Variants in RAB28 observed in about 807,000 individuals in gnomAD.
RAB28 encodes ras-related protein Rab-28.
A neutral mutation model predicts 31.7 loss-of-function variants in RAB28; 24 were observed. That is an observed-to-expected ratio of 0.76 (90% CI 0.55 to 1.06). The LOEUF (loss-of-function observed/expected upper bound fraction) is 1.06, where lower values mean the gene tolerates loss of function less well. Ranked by LOEUF, RAB28 falls within the 50% of genes least tolerant of loss-of-function variation. The pLI, the probability that RAB28 is intolerant of heterozygous loss-of-function variation, is 0.00. For synonymous variants in RAB28, 100 were observed against 90.4 expected, an observed-to-expected ratio of 1.11 and a Z score of -0.60; for missense variants, 254 against 258.5, an observed-to-expected ratio of 0.98 and a Z score of 0.12.
chr4:13,382,529 T>C (rs1729174079), intron 4 of RAB28, among the ~76,000 whole-genome samples: 1 of 151,926 alleles, frequency 6.6e-6, no homozygotes, highest in Non-Finnish European at 1.5e-5. Flanking sequence ...TGCCAATTGA[T>C]TATCAACTAA....
At chr4:13,469,848 C>T (rs752309840) in intron 3 of RAB28, among the ~76,000 whole-genome samples, 3 of 151,882 alleles carry the variant, frequency 2.0e-5, no homozygotes, top group Non-Finnish European at 4.4e-5. Context: ...ACCACAGTGC[C>T]CAGCTAATTT....
At position 13,368,104 on chromosome 4, in the gene RAB28, C is replaced by A; in HGVS notation, c.*454G>T. The stretch of plus-strand genomic sequence containing the variant: ...AGCGAAAGAATGTCTTCATAAGTAT[C>A]TGTAGGTAAAATATATTACTTGCTT... On this transcript the variant is annotated 3_prime_UTR_variant, in exon 7 of 7. Coordinates refer to ENST00000330852, the MANE Select transcript of RAB28 (RefSeq NM_001017979.3). 25 of 982,102 alleles carry A rather than the reference C, an allele frequency of 2.5e-5. No homozygotes were observed. Among genetic ancestry groups the A allele is most frequent in the Non-Finnish European group, 2.9e-5 (24 of 826,922 alleles). 60.8% of individuals were successfully genotyped at this position (982,102 alleles called of 1,614,324 possible).
intron 3 of RAB28, among the ~76,000 whole-genome samples, chr4:13,465,485 CA>C: frequency 6.7e-6 from 1 of 149,150 alleles, no homozygotes; most frequent in Non-Finnish European, 1.5e-5. Flanking sequence ...AAGAAGAGAA[CA>C]AAGTGAAATT....
intron 4 of RAB28, among the ~76,000 whole-genome samples, chr4:13,430,826 T>C (rs1261458476): frequency 6.6e-6 from 1 of 152,086 alleles, no homozygotes; most frequent in Non-Finnish European, 1.5e-5. Context: ...ACCCTAAGCC[T>C]GTGCCACCCC....
intron 4 of RAB28, among the ~76,000 whole-genome samples, chr4:13,441,473 AT>A (rs1714412276): frequency 6.6e-6 from 1 of 152,214 alleles, no homozygotes; most frequent in African/African-American, 2.4e-5. Context: ...GATAATGACA[AT>A]ATATTTTCAA....
chr4:13,427,706 G>A (rs1323357641), intron 4 of RAB28, among the ~76,000 whole-genome samples: 1 of 152,154 alleles, frequency 6.6e-6, no homozygotes, highest in African/African-American at 2.4e-5. Context: ...CCAGGAAGCT[G>A]CAATCAGAAA....
chr4:13,459,162 AC>A (rs34868075), intron 4 of RAB28, among the ~76,000 whole-genome samples: 3,305 of 152,304 alleles, frequency 0.022, 46 homozygotes, highest in African/African-American at 0.038. Flanking sequence ...TGTTGGACTT[AC>A]ACTGGTGGTT....
At position 13,368,268 on chromosome 4, in the gene RAB28, A is replaced by G. The variant is rs946967769; in HGVS notation, c.*290T>C. 9.5e-7 allele frequency: 1 copy of G among 1,051,900 alleles called. No individual in the cohort carries two copies. Among genetic ancestry groups the G allele is most frequent in the Non-Finnish European group, 1.1e-6 (1 of 873,818 alleles). The allele number at this position is 1,051,900 out of a possible 1,614,324, so 65.2% of individuals were successfully genotyped here. A position where few individuals can be genotyped will look rare whatever the true frequency, so the allele number is the denominator to read the frequency against. On this transcript the variant is annotated 3_prime_UTR_variant, in exon 7 of 7. Coordinates refer to ENST00000330852, the MANE Select transcript of RAB28 (RefSeq NM_001017979.3). ...TAAAAAAATTTACATCAATGAAAAA[A>G]GAAGCAAGGACATACAAAGAAACAA...
Position 13,368,590 on chromosome 4 carries a change from G to T in RAB28, c.634C>A (p.Pro212Thr), listed in dbSNP as rs963393827. The T allele has an allele frequency of 1.2e-6, 2 of 1,612,256 alleles. No individual in the cohort carries two copies. The highest frequency in any genetic ancestry group is 1.3e-5 in the African/African-American group (1 of 74,698). The change falls in exon 7 of 7, where the codon CCT (proline) becomes ACT (threonine). Residue 212 changes from proline to threonine, a missense_variant. By Grantham distance (38) the Pro-to-Thr change is conservative (BLOSUM62 -1). Coordinates refer to ENST00000330852, the MANE Select transcript of RAB28 (RefSeq NM_001017979.3). ...NQEPMSRTVNPPRSSMCAVQ is the reference protein window; with the variant it reads ...NQEPMSRTVNTPRSSMCAVQ ...ACTGCACACATAGAGCTTCTAGGAG[G>T]GTTAACAGTCCTTGACATAGGTTCC...
At chr4:13,390,472 T>C (rs1323389978) in intron 4 of RAB28, among the ~76,000 whole-genome samples, 1 of 151,842 alleles carries the variant, frequency 6.6e-6, no homozygotes, top group Non-Finnish European at 1.5e-5. Context: ...ATCAATATCA[T>C]GAAAAACGGC....
intron 6 of RAB28, among the ~76,000 whole-genome samples, chr4:13,374,007 C>T (rs1295027534): frequency 1.3e-5 from 2 of 151,788 alleles, no homozygotes; most frequent in African/African-American, 4.8e-5. Flanking sequence ...ATAATCTGCA[C>T]TTCTTAGTCT....
At chr4:13,373,212 G>A (rs901538388) in intron 6 of RAB28, among the ~76,000 whole-genome samples, 8 of 152,046 alleles carry the variant, frequency 5.3e-5, no homozygotes, top group Non-Finnish European at 1.0e-4. Context: ...CCGATTGCTG[G>A]ATTTCCTAAA....
intron 3 of RAB28, among the ~76,000 whole-genome samples, chr4:13,465,746 C>T (rs1715809688): frequency 2.0e-5 from 3 of 146,574 alleles, no homozygotes; most frequent in African/African-American, 5.1e-5. Context: ...ATAACCAAGG[C>T]AATCATGAAC....
intron 4 of RAB28, among the ~76,000 whole-genome samples, chr4:13,410,041 T>C (rs1412868091): frequency 6.6e-6 from 1 of 152,014 alleles, no homozygotes; most frequent in Admixed American, 6.6e-5. Flanking sequence ...TAAAAGTGTG[T>C]AGCACCTCCC....
intron 4 of RAB28, among the ~76,000 whole-genome samples, chr4:13,449,341 G>C (rs1420573351): frequency 6.6e-6 from 1 of 151,790 alleles, no homozygotes; most frequent in African/African-American, 2.4e-5. Context: ...AATTCCAATG[G>C]TTTTCAAACT....
chr4:13,410,176 C>A (rs866910749), intron 4 of RAB28, among the ~76,000 whole-genome samples: 3 of 152,144 alleles, frequency 2.0e-5, no homozygotes, highest in Non-Finnish European at 4.4e-5. Context: ...GTCTATTAAA[C>A]CTCTTTTCTT....
chr4:13,441,159 A>G (rs1714392986), intron 4 of RAB28, among the ~76,000 whole-genome samples: 1 of 152,182 alleles, frequency 6.6e-6, no homozygotes, highest in Admixed American at 6.5e-5. Context: ...TGTACTCACA[A>G]AGGAAAGTTA....
intron 2 of RAB28, among the ~76,000 whole-genome samples, chr4:13,474,793 C>A (rs1000929106): frequency 3.3e-5 from 5 of 151,570 alleles, no homozygotes; most frequent in Non-Finnish European, 7.4e-5. Flanking sequence ...ACTCAACCAT[C>A]CAATCATACA....
intron 4 of RAB28, among the ~76,000 whole-genome samples, chr4:13,424,424 G>C (rs1713355849): frequency 6.6e-6 from 1 of 151,948 alleles, no homozygotes; most frequent in South Asian, 2.1e-4. Context: ...TGTGTGTCTG[G>C]GTCTCAGCCA....
Sources: gnomAD v4.1 joint callset for allele counts (sites outside exome capture counted in the v4.1 genomes callset) on GRCh38, gnomAD v4.1.1 for gene constraint, MANE v1.5 for transcripts, NCBI Gene and HGNC (gene_info 2026-07-23, HGNC 2026-07-21) for gene names.